The following ENKUR variants were observed in gnomAD, a reference collection of about 807,000 sequenced individuals.
ENKUR encodes enkurin, TRPC channel interacting protein, also known as enkurin.
In ENKUR, 19 loss-of-function variants were observed where a neutral mutation model predicts 27.6. That is an observed-to-expected ratio of 0.69 (90% CI 0.48 to 1.01). The LOEUF (loss-of-function observed/expected upper bound fraction) is 1.01. Ranked by LOEUF, ENKUR falls within the 50% of genes least tolerant of loss-of-function variation. ENKUR has a pLI of 0.00. For missense variants in ENKUR, 312 were observed against 310.5 expected, an observed-to-expected ratio of 1.00 and a Z score of -0.04; for synonymous variants, 117 against 96.9, an observed-to-expected ratio of 1.21 and a Z score of -1.22.
chr10:24,984,582 C>T, intron 5 of ENKUR, 154 bp downstream of exon 5: 1 of 1,013,136 alleles, frequency 9.9e-7, no homozygotes, highest in Non-Finnish European at 1.4e-6. Flanking sequence ...GTGAATAACT[C>T]AATTATTCTT....
At chr10:24,998,993 C>T (rs867791675) in intron 2 of ENKUR, among the ~76,000 whole-genome samples, 4 of 152,288 alleles carry the variant, frequency 2.6e-5, no homozygotes, top group South Asian at 2.1e-4. Flanking sequence ...GTTGCTTCAA[C>T]AACTGGTAGT....
Position 24,984,166 on chromosome 10 carries a change from C to G in ENKUR, c.*204G>C, listed in dbSNP as rs1239631708. 1.1e-5 allele frequency: 5 copies of G among 458,952 alleles called. No individual in the cohort carries two copies. Among genetic ancestry groups the G allele is most frequent in the African/African-American group, 4.0e-5 (2 of 49,920 alleles). The allele number at this position is 458,952 out of a possible 1,614,324, so 28.4% of individuals were successfully genotyped here. ...AATTTTTCTTCCTCCAAATAGAAGC[C>G]TTTCATCATATACAGTGTTACGAAT... On this transcript the variant is annotated 3_prime_UTR_variant, in exon 6 of 6. Coordinates refer to ENST00000331161, the MANE Select transcript of ENKUR (RefSeq NM_145010.4).
intron 2 of ENKUR, among the ~76,000 whole-genome samples, chr10:25,054,759 T>C (rs1453207930): frequency 6.6e-6 from 1 of 151,566 alleles, no homozygotes; most frequent in Admixed American, 6.6e-5. Flanking sequence ...CATGGCTCAC[T>C]GCAGCCTCGA....
At chr10:25,061,269 G>T in exon 2 of ENKUR, 1 of 843,842 alleles carries the variant, frequency 1.2e-6, no homozygotes, top group Non-Finnish European at 1.9e-6. Flanking sequence ...GACACATCCA[G>T]ATATGGAAAA....
chr10:25,029,821 C>G (rs913110892), intron 2 of ENKUR, among the ~76,000 whole-genome samples: 3 of 152,160 alleles, frequency 2.0e-5, no homozygotes, highest in African/African-American at 7.2e-5. Context: ...AGGGACATGT[C>G]AAGTGCAAGC....
At position 25,041,250 on chromosome 10, in the gene ENKUR, G is replaced by A. The variant is rs150917085; in HGVS notation, c.37+19862C>T. Among the ~76,000 whole-genome samples the A allele has an allele frequency of 2.9e-3, 447 of 152,282 alleles. 1 individual carries two copies. Among genetic ancestry groups the A allele is most frequent in the Middle Eastern group, 0.017 (5 of 294 alleles). On this transcript the variant is annotated intron_variant, in intron 2 of 5. Transcript: ENST00000615958. The stretch of plus-strand genomic sequence containing the variant: ...GTTTCTATGATTTGGATGAGAAACT[G>A]CAGTGATTCAGATCATTGTTTCCTT...
intron 2 of ENKUR, among the ~76,000 whole-genome samples, chr10:25,053,729 T>G (rs956418274): frequency 1.3e-5 from 2 of 152,234 alleles, no homozygotes; most frequent in Non-Finnish European, 2.9e-5. Context: ...TTGAAATATT[T>G]CGAATGCTGT....
intron 2 of ENKUR, chr10:25,021,734 C>T (rs1344361274): frequency 6.6e-6 from 1 of 151,956 alleles, no homozygotes; most frequent in Admixed American, 6.6e-5. Context: ...AATTTTTTTC[C>T]ATTATAGACT....
intron 2 of ENKUR, among the ~76,000 whole-genome samples, chr10:25,030,314 T>G (rs1318884692): frequency 2.0e-5 from 3 of 152,232 alleles, no homozygotes. Context: ...AGAAATTGCT[T>G]GTCTAACAAT....
intron 3 of ENKUR, among the ~76,000 whole-genome samples, chr10:24,991,448 G>A (rs1011544970): frequency 7.9e-5 from 12 of 151,486 alleles, no homozygotes; most frequent in African/African-American, 1.7e-4. Context: ...GCTGGACGTC[G>A]AGAGGAACAC....
At position 25,058,694 on chromosome 10, in the gene ENKUR, G is replaced by T. The variant is rs112749994; in HGVS notation, c.37+2418C>A. On this transcript the variant is annotated intron_variant, in intron 2 of 5. Coordinates refer to the ENKUR transcript ENST00000615958. ...GCCTGTAATCCCAGCACTTTGGGAGGCGTAGGCGAGCTGATCACCTGAGGT... is the reference window on the plus strand; with the variant it reads ...GCCTGTAATCCCAGCACTTTGGGAGTCGTAGGCGAGCTGATCACCTGAGGT... 1.6e-3 allele frequency among the ~76,000 whole-genome samples: 250 copies of T among 152,218 alleles called. 1 individual carries two copies. Among genetic ancestry groups the T allele is most frequent in the African/African-American group, 5.2e-3 (214 of 41,532 alleles).
chr10:24,989,569 G>T (rs1849881066), intron 4 of ENKUR, among the ~76,000 whole-genome samples: 1 of 152,012 alleles, frequency 6.6e-6, no homozygotes, highest in Non-Finnish European at 1.5e-5. Flanking sequence ...TAATTAAATT[G>T]CACAATACTC....
intron 2 of ENKUR, among the ~76,000 whole-genome samples, chr10:25,039,937 TAAAA>T (rs3050369): frequency 1.4e-4 from 19 of 137,268 alleles, no homozygotes; most frequent in African/African-American, 3.5e-4. Flanking sequence ...CTTAAAGTAT[TAAAA>T]AAAAAAAAAA....
intron 2 of ENKUR, among the ~76,000 whole-genome samples, chr10:25,053,302 A>G (rs1464526039): frequency 2.0e-5 from 3 of 152,212 alleles, no homozygotes; most frequent in African/African-American, 7.2e-5. Context: ...TGTGGTGAGA[A>G]CATTTGAAAT....
At chr10:25,043,515 A>G (rs775735694) in intron 2 of ENKUR, among the ~76,000 whole-genome samples, 6 of 151,916 alleles carry the variant, frequency 3.9e-5, no homozygotes, top group Non-Finnish European at 8.8e-5. Context: ...TACTTTCAAG[A>G]GTCTCTCTTT....
At chr10:25,039,277 T>C (rs1851037348) in intron 2 of ENKUR, among the ~76,000 whole-genome samples, 1 of 152,158 alleles carries the variant, frequency 6.6e-6, no homozygotes. Flanking sequence ...GCTGTTGTAC[T>C]GTCATTCAAA....
chr10:24,999,605 T>C, intron 1 of ENKUR, 59 bp from the exon 2 acceptor site: 1 of 1,397,048 alleles, frequency 7.2e-7, no homozygotes, highest in Non-Finnish European at 9.9e-7. Context: ...TACCTAAAGT[T>C]TACTTAAAGT....
At chr10:25,036,379 G>T (rs1851008375) in intron 2 of ENKUR, among the ~76,000 whole-genome samples, 1 of 152,180 alleles carries the variant, frequency 6.6e-6, no homozygotes, top group Non-Finnish European at 1.5e-5. Context: ...AAGCCACGTG[G>T]AACTGTGAGT....
chr10:25,018,263 G>A (rs1034580503), upstream of ENKUR, among the ~76,000 whole-genome samples: 2 of 152,166 alleles, frequency 1.3e-5, no homozygotes, highest in Non-Finnish European at 2.9e-5. Context: ...TTTTGAAAGT[G>A]TGTTTAAGCA....
Sources: allele counts gnomAD v4.1 joint callset (sites outside exome capture counted in the v4.1 genomes callset), GRCh38; gene constraint gnomAD v4.1.1; transcripts MANE v1.5; gene names NCBI Gene and HGNC (gene_info 2026-07-23, HGNC 2026-07-21).